RYR3: variants seen among roughly 807,000 people sequenced by gnomAD.
RYR3 encodes the protein ryanodine receptor 3.
Under a neutral mutation model 584.3 loss-of-function variants are expected in RYR3, and 207 were observed. The ratio of observed to expected loss-of-function variants is 0.35; its 90% CI spans 0.32 to 0.40. The LOEUF is 0.40. Ranked by LOEUF, RYR3 falls within the 10% of genes least tolerant of loss-of-function variation. The pLI, the probability that RYR3 is intolerant of heterozygous loss-of-function variation, is 1.00. For missense variants in RYR3, 5,616 were observed against 6,089.2 expected (o/e 0.92, Z 2.59); for synonymous variants, 2,416 against 2,248.5 (o/e 1.07, Z -2.11).
chr15:33,843,256 C>T (rs929792488), intron 91 of RYR3, among the ~76,000 whole-genome samples: 3 of 151,892 alleles, frequency 2.0e-5, no homozygotes, highest in Admixed American at 6.6e-5. Flanking sequence ...GGAGGTGGAG[C>T]TTGCAGTGAG....
chr15:33,604,428 T>C (rs533330171), intron 18 of RYR3, among the ~76,000 whole-genome samples: 77 of 152,360 alleles, frequency 5.1e-4, no homozygotes, highest in African/African-American at 1.8e-3. Flanking sequence ...TTGGTCCATA[T>C]GGATTTTTTT....
chr15:33,411,645 T>TA (rs780797204), intron 1 of RYR3, among the ~76,000 whole-genome samples: 7 of 152,202 alleles, frequency 4.6e-5, no homozygotes, highest in Non-Finnish European at 1.0e-4. Context: ...ATCACAAACT[T>TA]ACGACCACTT....
In RYR3 at chr15:33,646,462, C is replaced by T. The variant is rs758047665; in HGVS notation, c.3877C>T (p.Pro1293Ser). ...ADMIYCRLSM[P>S]VECHSSFSHS... ...CATGATCTATTGCCGCTTGAGCATG[C>T]CTGTCGAGTGCCACTCCTCCTTCAG... is the stretch of plus-strand genomic sequence containing the variant. Residue 1293 changes from proline to serine, a missense_variant, in exon 29 of 104, where the codon CCT becomes TCT. Physicochemically the swap from Pro to Ser is moderately conservative, Grantham distance 74 (BLOSUM62 -1). Transcript: ENST00000634891. The T allele has an allele frequency of 2.5e-6, 4 of 1,613,892 alleles. No individual in the cohort carries two copies. In the Admixed American group the frequency reaches 6.7e-5, roughly 27 times the overall value.
At chr15:33,314,807 G>A (rs907209295) in intron 1 of RYR3, among the ~76,000 whole-genome samples, 18 of 152,158 alleles carry the variant, frequency 1.2e-4, no homozygotes, top group African/African-American at 2.7e-4. Flanking sequence ...CCAGCTGCTC[G>A]GGAGGCAGAG....
chr15:33,860,161 A>T (rs1279667447), intron 100 of RYR3, among the ~76,000 whole-genome samples: 1 of 152,200 alleles, frequency 6.6e-6, no homozygotes. Context: ...TGATAAATTT[A>T]GCTTGAGTCA....
At chr15:33,730,087 T>C (rs2068814809) in intron 47 of RYR3, among the ~76,000 whole-genome samples, 1 of 152,140 alleles carries the variant, frequency 6.6e-6, no homozygotes, top group Admixed American at 6.6e-5. Flanking sequence ...AAACAATGAA[T>C]AATTTTTTAT....
intron 38 of RYR3, among the ~76,000 whole-genome samples, chr15:33,687,194 A>G (rs1215709228): frequency 6.6e-6 from 1 of 152,228 alleles, no homozygotes; most frequent in African/African-American, 2.4e-5. Context: ...AAATCTCCTT[A>G]ACCTGATAAG....
intron 2 of RYR3, among the ~76,000 whole-genome samples, chr15:33,483,013 C>A (rs374995728): frequency 6.6e-6 from 1 of 152,002 alleles, no homozygotes; most frequent in Non-Finnish European, 1.5e-5. Context: ...TTCCATTGAC[C>A]TATTTTATAT....
At chr15:33,333,480 C>T (rs1970608961) in intron 1 of RYR3, among the ~76,000 whole-genome samples, 1 of 152,138 alleles carries the variant, frequency 6.6e-6, no homozygotes, top group African/African-American at 2.4e-5. Flanking sequence ...AAAAGGCTTT[C>T]AGTAAAATTC....
chr15:33,456,640 T>G (rs2047585948), intron 1 of RYR3, among the ~76,000 whole-genome samples: 1 of 152,162 alleles, frequency 6.6e-6, no homozygotes, highest in African/African-American at 2.4e-5. Flanking sequence ...GTTTGGAGGT[T>G]ACATTTGCAC....
intron 1 of RYR3, among the ~76,000 whole-genome samples, chr15:33,385,399 G>A (rs1170294836): frequency 2.6e-5 from 4 of 152,030 alleles, no homozygotes; most frequent in African/African-American, 4.8e-5. Flanking sequence ...ACTTCAGTTC[G>A]ACTGATTATT....
intron 19 of RYR3, among the ~76,000 whole-genome samples, chr15:33,620,948 A>G (rs1359006023): frequency 6.6e-6 from 1 of 152,260 alleles, no homozygotes; most frequent in Non-Finnish European, 1.5e-5. Flanking sequence ...AAGCTTCAGT[A>G]TGCAGTAAAC....
chr15:33,670,659 C>T (rs1177013058), intron 38 of RYR3, 103 bp downstream of exon 38: 7 of 1,167,558 alleles, frequency 6.0e-6, no homozygotes, highest in Non-Finnish European at 8.3e-6. Context: ...TGCTTAACTT[C>T]AAAGAAAGCA....
chr15:33,856,389 G>A (rs1205528814), intron 98 of RYR3: 3 of 152,240 alleles, frequency 2.0e-5, no homozygotes, highest in Non-Finnish European at 4.4e-5. Context: ...TCAATGCCTA[G>A]TCCTTGAGAG....
At position 33,646,483 on chromosome 15, in the gene RYR3, T is replaced by C. The variant is rs1595957329; in HGVS notation, c.3898T>C (p.Phe1300Leu). The change falls in exon 29 of 104, where the codon TTC becomes CTC. Residue 1300 changes from phenylalanine (F) to leucine (L), a missense_variant. By Grantham distance (22) the Phe-to-Leu change is conservative (BLOSUM62 0). Coordinates refer to ENST00000634891, the MANE Select transcript of RYR3 (RefSeq NM_001036.6). ...LSMPVECHSS[F>L]SHSPCLDSEA... is the part of the protein sequence containing the mutation. ...CATGCCTGTCGAGTGCCACTCCTCCTTCAGCCACAGCCCCTGTCTGGACAG... is the reference window on the plus strand; with the variant it reads ...CATGCCTGTCGAGTGCCACTCCTCCCTCAGCCACAGCCCCTGTCTGGACAG... The C allele has an allele frequency of 6.2e-7, 1 of 1,613,868 alleles. No homozygotes were observed. Among genetic ancestry groups the C allele is most frequent in the Admixed American group, 1.7e-5 (1 of 60,022 alleles).
chr15:33,707,884 T>A (rs1446185024), intron 43 of RYR3, among the ~76,000 whole-genome samples: 1 of 152,186 alleles, frequency 6.6e-6, no homozygotes, highest in Non-Finnish European at 1.5e-5. Context: ...GTGCTTTTCT[T>A]GTTGTCTCTC....
intron 38 of RYR3, among the ~76,000 whole-genome samples, chr15:33,679,546 A>C (rs2064434573): frequency 6.6e-6 from 1 of 152,186 alleles, no homozygotes; most frequent in African/African-American, 2.4e-5. Flanking sequence ...CAACCCTTTC[A>C]AGAGCTCCAT....
intron 38 of RYR3, among the ~76,000 whole-genome samples, chr15:33,678,518 T>A (rs1235832143): frequency 2.0e-5 from 3 of 152,214 alleles, no homozygotes; most frequent in Admixed American, 2.0e-4. Flanking sequence ...CTCTTCTTCA[T>A]AAATTATGCA....
At chr15:33,315,013 A>T (rs990617209) in intron 1 of RYR3, among the ~76,000 whole-genome samples, 1 of 152,224 alleles carries the variant, frequency 6.6e-6, no homozygotes, top group African/African-American at 2.4e-5. Flanking sequence ...AGTTTCAATT[A>T]AAGGTTGGTC....
Sources: allele counts gnomAD v4.1 joint callset (sites outside exome capture counted in the v4.1 genomes callset), GRCh38; gene constraint gnomAD v4.1.1; transcripts MANE v1.5; gene names NCBI Gene and HGNC (gene_info 2026-07-23, HGNC 2026-07-21).